The following CRYL1 variants were observed in gnomAD, a reference collection of about 807,000 sequenced individuals.
The protein encoded by CRYL1 is crystallin lambda 1.
In CRYL1, 29 loss-of-function variants were observed where a neutral mutation model predicts 36.6. That is an observed-to-expected ratio of 0.79 (90% CI 0.59 to 1.08). CRYL1 has a LOEUF of 1.08. CRYL1 is among the 50% of genes least tolerant of loss of function. The probability of loss-of-function intolerance (pLI) is 0.00; values close to 1 mark genes in which losing one functional copy is unlikely to be tolerated. For synonymous variants in CRYL1, 152 were observed against 151.5 expected, an observed-to-expected ratio of 1.00 and a Z score of -0.02; for missense variants, 411 against 407.9, an observed-to-expected ratio of 1.01 and a Z score of -0.06.
intron 3 of CRYL1, among the ~76,000 whole-genome samples, chr13:20,451,438 T>A (rs1483207216): frequency 5.3e-5 from 8 of 151,974 alleles, no homozygotes; most frequent in Non-Finnish European, 8.8e-5. Flanking sequence ...CTTAAACAAT[T>A]GAACAAGCAA....
chr13:20,484,623 G>C (rs2033358806), intron 3 of CRYL1, among the ~76,000 whole-genome samples: 1 of 152,124 alleles, frequency 6.6e-6, no homozygotes, highest in Non-Finnish European at 1.5e-5. Flanking sequence ...AGTGAGCCAA[G>C]ATTGTGCCAC....
chr13:20,409,298 G>A (rs7987191), intron 6 of CRYL1, among the ~76,000 whole-genome samples: 5 of 147,934 alleles, frequency 3.4e-5, no homozygotes, highest in Non-Finnish European at 7.5e-5. Context: ...GCTAGCCATA[G>A]GTAGAAAGCT....
intron 1 of CRYL1, among the ~76,000 whole-genome samples, chr13:20,521,135 AAAG>A (rs1565993081): frequency 3.1e-5 from 4 of 127,038 alleles, no homozygotes; most frequent in Non-Finnish European, 1.6e-5. Flanking sequence ...GGAAAGAAAG[AAAG>A]AAGGAAGAAA....
At chr13:20,454,452 T>C (rs1394031123) in intron 3 of CRYL1, among the ~76,000 whole-genome samples, 1 of 151,156 alleles carries the variant, frequency 6.6e-6, no homozygotes, top group Non-Finnish European at 1.5e-5. Context: ...AGTCTTGCTC[T>C]TGTCGCCCAG....
At chr13:20,417,578 G>A (rs550861674) in intron 5 of CRYL1, among the ~76,000 whole-genome samples, 1 of 152,294 alleles carries the variant, frequency 6.6e-6, no homozygotes, top group South Asian at 2.1e-4. Flanking sequence ...TACAATCACT[G>A]TTAGTTCAAA....
At chr13:20,487,762 G>A (rs923562983) in intron 3 of CRYL1, among the ~76,000 whole-genome samples, 2 of 149,224 alleles carry the variant, frequency 1.3e-5, no homozygotes, top group African/African-American at 2.5e-5. Context: ...CTGGGTGACA[G>A]AGCGAGACTC....
At chr13:20,524,919 T>TG (rs758918359) in intron 1 of CRYL1, among the ~76,000 whole-genome samples, 92 of 151,538 alleles carry the variant, frequency 6.1e-4, no homozygotes, top group Non-Finnish European at 1.1e-3. Context: ...ACCAAAAAGG[T>TG]GCTTTTAACT....
At chr13:20,521,811 A>C (rs2034102370) in intron 1 of CRYL1, among the ~76,000 whole-genome samples, 1 of 152,212 alleles carries the variant, frequency 6.6e-6, no homozygotes, top group Non-Finnish European at 1.5e-5. Flanking sequence ...TTCCAGCTAC[A>C]GTTACTTATT....
intron 3 of CRYL1, 53 bp downstream of exon 3, chr13:20,489,317 T>G: frequency 6.2e-7 from 1 of 1,606,238 alleles, no homozygotes; most frequent in African/African-American, 1.3e-5. Context: ...CCGGAGAGGC[T>G]GGGAGACAAT....
intron 3 of CRYL1, among the ~76,000 whole-genome samples, chr13:20,456,954 G>A (rs1485576358): frequency 6.6e-6 from 1 of 152,190 alleles, no homozygotes; most frequent in Admixed American, 6.5e-5. Context: ...TAGGAGTCTG[G>A]TGGGATGAAG....
chr13:20,437,328 G>A (rs1047699661), intron 4 of CRYL1, among the ~76,000 whole-genome samples: 1 of 142,752 alleles, frequency 7.0e-6, no homozygotes, highest in Non-Finnish European at 1.5e-5. Context: ...TTTTTTTTGA[G>A]ATGGAGTCTC....
chr13:20,506,849 G>A (rs1489537574), intron 2 of CRYL1, among the ~76,000 whole-genome samples: 1 of 152,168 alleles, frequency 6.6e-6, no homozygotes, highest in Non-Finnish European at 1.5e-5. Flanking sequence ...TGTGAGATAA[G>A]GATGTGATAT....
In CRYL1 at chr13:20,452,267, A is replaced by C. The variant is rs1423615144; in HGVS notation, c.277-12513T>G. Among the ~76,000 whole-genome samples, 3 of 150,940 alleles carry C rather than the reference A, an allele frequency of 2.0e-5. 1 individual carries two copies. In the South Asian group the frequency reaches 6.3e-4, roughly 32 times the overall value. On this transcript the variant is annotated intron_variant, in intron 3 of 7. Transcript: ENST00000298248. ...TAAAAAAAAAAAAAAGCAAAACCCA[A>C]CCCAACTCTAAACTATCTAGAAAAA... is the stretch of plus-strand genomic sequence containing the variant.
At chr13:20,505,109 A>C (rs978619568) in intron 2 of CRYL1, among the ~76,000 whole-genome samples, 1 of 152,196 alleles carries the variant, frequency 6.6e-6, no homozygotes, top group Non-Finnish European at 1.5e-5. Flanking sequence ...TAATCCGAGC[A>C]CTTTGGGAGA....
At chr13:20,507,938 GA>G (rs932073804) in intron 2 of CRYL1, among the ~76,000 whole-genome samples, 9 of 138,776 alleles carry the variant, frequency 6.5e-5, no homozygotes, top group Admixed American at 2.9e-4. Flanking sequence ...AAAGAAAAAA[GA>G]AAAAAAAAAG....
At chr13:20,444,919 T>C (rs2032423164) in intron 3 of CRYL1, among the ~76,000 whole-genome samples, 1 of 152,206 alleles carries the variant, frequency 6.6e-6, no homozygotes, top group Admixed American at 6.5e-5. Context: ...GGTTTCAGCA[T>C]GTTGGCCAGG....
intron 2 of CRYL1, among the ~76,000 whole-genome samples, chr13:20,499,046 T>G (rs984400633): frequency 6.6e-6 from 1 of 152,204 alleles, no homozygotes; most frequent in South Asian, 2.1e-4. Context: ...TTATGTGTTA[T>G]GTTAGAATTA....
In CRYL1 at chr13:20,432,259, A is replaced by G; in HGVS notation, c.476T>C (p.Val159Ala). 1 of 1,612,384 alleles carries G rather than the reference A, an allele frequency of 6.2e-7. No individual in the cohort carries two copies. Among genetic ancestry groups the G allele is most frequent in the Non-Finnish European group, 8.5e-7 (1 of 1,179,440 alleles). The change falls in exon 5 of 8, where the codon GTC (valine) becomes GCC (alanine). Residue 159 changes from valine (V) to alanine (A), a missense_variant. Physicochemically the swap from Val to Ala is moderately conservative, Grantham distance 64. Coordinates refer to ENST00000298248, the MANE Select transcript of CRYL1 (RefSeq NM_015974.3). ...PPYYIPLVEL[V>A]PHPETAPTTV... ...CGTAGGGGCCGTCTCCGGGTGGGGG[A>G]CCAGCTCAACCAGCGGGATGTAGTA...
rs1297695990 is a variant in CRYL1, at chr13:20,525,045, T to TG, written c.41+708dup. 1.3e-5 allele frequency among the ~76,000 whole-genome samples: 1 copy of TG among 76,000 alleles called. No individual in the cohort carries two copies. Among genetic ancestry groups the TG allele is most frequent in the Non-Finnish European group, 2.6e-5 (1 of 38,650 alleles). The allele number at this position is 76,000 out of a possible 152,430, so 49.9% of individuals were successfully genotyped here. The stretch of plus-strand genomic sequence containing the variant: ...ATAGCAAGGATTGTAACCGTAGGGG[T>TG]GGGGGGCGGGGTGGGGGAAGCACAC... On this transcript the variant is annotated intron_variant, in intron 1 of 7. Coordinates refer to ENST00000298248, the MANE Select transcript of CRYL1 (RefSeq NM_015974.3). This position sits in a 1 kb window ranked among gnomAD's most constrained non-coding sequence, Gnocchi z 4.3.
Sources: allele counts gnomAD v4.1 joint callset (sites outside exome capture counted in the v4.1 genomes callset), GRCh38; gene constraint gnomAD v4.1.1; non-coding constraint Gnocchi (gnomAD v3.1); transcripts MANE v1.5; gene names NCBI Gene and HGNC (gene_info 2026-07-23, HGNC 2026-07-21).